Variants in PCDHGB3 observed in about 807,000 individuals in gnomAD.
PCDHGB3 encodes the protein protocadherin gamma-B3.
Under a neutral mutation model 59.2 loss-of-function variants are expected in PCDHGB3, and 40 were observed. The observed-to-expected ratio is 0.68, with a 90% CI of 0.52 to 0.88. The LOEUF (loss-of-function observed/expected upper bound fraction) is 0.88, where lower values mean the gene tolerates loss of function less well. Among genes scored for constraint, PCDHGB3 ranks in the 40% least tolerant of loss-of-function variants. The pLI is 0.00. For synonymous variants in PCDHGB3, 581 were observed against 503.6 expected (o/e 1.15, Z -2.06); for missense variants, 1,309 against 1,187.9 (o/e 1.10, Z -1.50).
chr5:141,491,714 C>T lies in PCDHGB3; in HGVS notation c.2416-3093C>T, dbSNP rs1321811999. 2 of 1,608,744 alleles carry T rather than the reference C, an allele frequency of 1.2e-6. No individual in the cohort carries two copies. Among genetic ancestry groups the T allele is most frequent in the Non-Finnish European group, 1.7e-6 (2 of 1,177,916 alleles). The stretch of plus-strand genomic sequence containing the variant: ...GAGCGGAGCCAGGTGAGGGGCTCGG[C>T]GCCGCCCCGGGCGACCCCTGGGGGC... On this transcript the variant is annotated intron_variant, in intron 1 of 3. Coordinates refer to ENST00000576222, the MANE Select transcript of PCDHGB3 (RefSeq NM_018924.5). The surrounding 1 kb of genome is among the most constrained non-coding windows in gnomAD (Gnocchi z 6.9).
Position 141,399,283 on chromosome 5 carries a change from G to T in PCDHGB3, c.2415+26474G>T, listed in dbSNP as rs533695738. ...GGTTAATTGTCAATTACAAGGCGAA[G>T]TCCCTTTTAAGATTATCTCTTCATC... On this transcript the variant is annotated intron_variant, in intron 1 of 3. Coordinates refer to ENST00000576222, the MANE Select transcript of PCDHGB3 (RefSeq NM_018924.5). The T allele has an allele frequency of 5.0e-6, 8 of 1,613,888 alleles. No individual in the cohort carries two copies. The South Asian group carries it at 7.7e-5, about 16-fold the overall frequency.
rs757228720 is a variant in PCDHGB3 at position 141,371,062 on chromosome 5, G to GGGTAA, written c.668_669insGGTAA (p.Ser223ArgfsTer10). The stretch of plus-strand genomic sequence containing the variant: ...GTGGATGGGGGCGAGCCCTCCAGAA[G>GGGTAA]CTGTACCACCCAGATCAGGGTAATT... On this transcript the variant is annotated frameshift_variant, in exon 1 of 4. Coordinates refer to ENST00000576222, the MANE Select transcript of PCDHGB3 (RefSeq NM_018924.5). LOFTEE classifies it high-confidence loss of function. The GGGTAA allele has an allele frequency of 1.2e-6, 2 of 1,613,974 alleles. No homozygotes were observed. Among genetic ancestry groups the GGGTAA allele is most frequent in the South Asian group, 2.2e-5 (2 of 91,084 alleles).
chr5:141,393,408 G>T (rs2092753153), intron 1 of PCDHGB3: 1 of 1,614,022 alleles, frequency 6.2e-7, no homozygotes, highest in East Asian at 2.2e-5. Context: ...GCTGGAGCGC[G>T]CCCTGGACAG....
intron 1 of PCDHGB3, chr5:141,423,851 C>T (rs1311833319): frequency 7.8e-6 from 10 of 1,275,940 alleles, no homozygotes; most frequent in African/African-American, 1.6e-5. Flanking sequence ...TCTTTCAGAA[C>T]GTTTTTGTGA....
chr5:141,484,334 A>G (rs988395353), intron 1 of PCDHGB3, among the ~76,000 whole-genome samples: 3 of 152,192 alleles, frequency 2.0e-5, no homozygotes, highest in East Asian at 1.9e-4. Context: ...CTTGAAATCA[A>G]TGAATGGTAA....
chr5:141,410,664 A>G, intron 1 of PCDHGB3: 1 of 1,570,058 alleles, frequency 6.4e-7, no homozygotes, highest in Non-Finnish European at 8.6e-7. Context: ...ATAGTCTACT[A>G]GTTTCTCATA....
At position 141,487,254 on chromosome 5, in the gene PCDHGB3, C is replaced by T. The variant is rs1341564301; in HGVS notation, c.2416-7553C>T. On this transcript the variant is annotated intron_variant, in intron 1 of 3. Coordinates refer to ENST00000576222, the MANE Select transcript of PCDHGB3 (RefSeq NM_018924.5). The surrounding 1 kb of genome is among the most constrained non-coding windows in gnomAD (Gnocchi z 5.0). Reference sequence around the variant, plus strand: ...GAATCTCGTCTAACCCTCTACTTGGCTGTGTCCCTAGTGGCAATTTGCTTT... The same window carrying T: ...GAATCTCGTCTAACCCTCTACTTGGTTGTGTCCCTAGTGGCAATTTGCTTT... The T allele has an allele frequency of 1.2e-6, 2 of 1,614,126 alleles. No homozygotes were observed. Among genetic ancestry groups the T allele is most frequent in the East Asian group, 4.5e-5 (2 of 44,860 alleles).
chr5:141,467,055 C>CTTTTT (rs1193465269), intron 1 of PCDHGB3, among the ~76,000 whole-genome samples: 1 of 134,496 alleles, frequency 7.4e-6, no homozygotes, highest in Non-Finnish European at 1.6e-5. Context: ...TCAATGTTTT[C>CTTTTT]TTTTTTTTTT....
rs1561748501 is a variant in PCDHGB3 at position 141,414,351 on chromosome 5, G to GT, written c.2415+41543dup. On this transcript the variant is annotated intron_variant, in intron 1 of 3. Coordinates refer to ENST00000576222, the MANE Select transcript of PCDHGB3 (RefSeq NM_018924.5). ...GACAGGTAACCTGTTCCATTTTGGC[G>GT]TATCTACCATTTAAATTAGAAAAGT... 2.5e-6 allele frequency: 4 copies of GT among 1,613,794 alleles called. No individual in the cohort carries two copies. The South Asian group carries it at 3.3e-5, about 13-fold the overall frequency.
At chr5:141,387,829 G>A (rs2091112194) in intron 1 of PCDHGB3, 1 of 1,591,650 alleles carries the variant, frequency 6.3e-7, no homozygotes, top group African/African-American at 1.3e-5. Flanking sequence ...CAATACAGAG[G>A]TTATTTGTAA....
Position 141,433,362 on chromosome 5 carries a change from T to G in PCDHGB3, c.2415+60553T>G, listed in dbSNP as rs1285511534. ...GTGCAAGCCACCTACTGTCTGCCTA[T>G]CTATCTATCTATCTATCTATCTATC... On this transcript the variant is annotated intron_variant, in intron 1 of 3. Transcript: ENST00000576222. 4 of 299,814 alleles carry G rather than the reference T, an allele frequency of 1.3e-5. No individual in the cohort carries two copies. In the East Asian group the frequency reaches 1.8e-4, roughly 14 times the overall value. 18.6% of individuals were successfully genotyped at this position (299,814 alleles called of 1,614,324 possible). A position where few individuals can be genotyped will look rare whatever the true frequency, so the allele number is the denominator to read the frequency against.
intron 1 of PCDHGB3, among the ~76,000 whole-genome samples, chr5:141,461,557 C>T (rs2154567400): frequency 6.6e-6 from 1 of 152,122 alleles, no homozygotes; most frequent in East Asian, 1.9e-4. Context: ...CAGATGTGTA[C>T]TTTGCAAAGA....
At chr5:141,497,479 G>A (rs1028715475) in intron 2 of PCDHGB3, among the ~76,000 whole-genome samples, 5 of 151,886 alleles carry the variant, frequency 3.3e-5, no homozygotes, top group Non-Finnish European at 7.4e-5. Flanking sequence ...GAGAAGGTGC[G>A]GAACCTCTCT....
At chr5:141,458,496 A>G (rs905073741) in intron 1 of PCDHGB3, among the ~76,000 whole-genome samples, 1 of 151,694 alleles carries the variant, frequency 6.6e-6, no homozygotes, top group Non-Finnish European at 1.5e-5. Flanking sequence ...CTGCCTGTAC[A>G]TACTGTTTGA....
chr5:141,393,962 C>G (rs2150548263), intron 1 of PCDHGB3: 1 of 1,613,894 alleles, frequency 6.2e-7, no homozygotes, highest in Non-Finnish European at 8.5e-7. Flanking sequence ...GTCAAGTTGT[C>G]TGTTACACAC....
chr5:141,389,607 A>G, intron 1 of PCDHGB3: 1 of 1,613,070 alleles, frequency 6.2e-7, no homozygotes, highest in Non-Finnish European at 8.5e-7. Context: ...GCTCTTCGAT[A>G]TGGTGCCGCA....
chr5:141,407,478 A>G (rs1230151085), intron 1 of PCDHGB3, among the ~76,000 whole-genome samples: 1 of 144,006 alleles, frequency 6.9e-6, no homozygotes, highest in Non-Finnish European at 1.6e-5. Flanking sequence ...TGAATGGAGT[A>G]TGGAAAATCT....
chr5:141,488,690 G>A (rs1292736219), intron 1 of PCDHGB3, among the ~76,000 whole-genome samples: 1 of 152,186 alleles, frequency 6.6e-6, no homozygotes, highest in African/African-American at 2.4e-5. Flanking sequence ...TCTCCCAGAA[G>A]GACAAGATTT....
chr5:141,419,137 C>G, intron 1 of PCDHGB3: 2 of 1,613,892 alleles, frequency 1.2e-6, no homozygotes, highest in Non-Finnish European at 1.7e-6. Context: ...CAGCCACAGA[C>G]AGGGGCAAGC....
Sources: gnomAD v4.1 joint callset for allele counts (sites outside exome capture counted in the v4.1 genomes callset) on GRCh38, gnomAD v4.1.1 for gene constraint, Gnocchi (gnomAD v3.1) non-coding constraint, MANE v1.5 for transcripts, NCBI Gene and HGNC (gene_info 2026-07-23, HGNC 2026-07-21) for gene names.